Variants in MYH15 observed in about 807,000 individuals in gnomAD.
MYH15 encodes the protein myosin-15.
MYH15 carries 227 observed loss-of-function variants against 240.5 expected under a neutral mutation model. That is an observed-to-expected ratio of 0.94 (90% confidence interval 0.85 to 1.05). The LOEUF (loss-of-function observed/expected upper bound fraction) is 1.05, where lower values mean the gene tolerates loss of function less well. Ranked by LOEUF, MYH15 falls within the 50% of genes least tolerant of loss-of-function variation. The pLI is 0.00. For synonymous variants in MYH15, 785 were observed against 796.7 expected (o/e 0.99, Z 0.25); for missense variants, 2,217 against 2,247.5 (o/e 0.99, Z 0.27).
At chr3:108,512,345 A>G (rs1424241035), upstream of MYH15, among the ~76,000 whole-genome samples, 1 of 152,160 alleles carries the variant, frequency 6.6e-6, no homozygotes, top group Non-Finnish European at 1.5e-5. Context: ...GGAAAGCAGT[A>G]TTTTGGGAAA....
rs1197440356 is a variant in MYH15 at position 108,384,762 on chromosome 3, A to G, written c.5556T>C (p.Asn1852=). 1 of 1,613,798 alleles carries G rather than the reference A, an allele frequency of 6.2e-7. No individual in the cohort carries two copies. The highest frequency in any genetic ancestry group is 1.1e-5 in the South Asian group (1 of 91,066). The change falls in exon 39 of 41, where the codon AAT becomes AAC. Residue 1852 remains asparagine (N), a synonymous_variant. Transcript: ENST00000693548. ...LTYQAEEDKK[N]LSRMQTQMDK... Reference sequence around the variant, plus strand: ...CCATCTGAGTTTGCATCCTGCTCAGATTCTTCTTGTCTTCCTCTGCCTGCA... The same window carrying G: ...CCATCTGAGTTTGCATCCTGCTCAGGTTCTTCTTGTCTTCCTCTGCCTGCA...
At chr3:108,425,352 G>A (rs941316567) in intron 27 of MYH15, among the ~76,000 whole-genome samples, 4 of 152,134 alleles carry the variant, frequency 2.6e-5, no homozygotes, top group Non-Finnish European at 4.4e-5. Flanking sequence ...CAATAAATCC[G>A]TGCTTTATGA....
chr3:108,410,815 C>G lies in MYH15; in HGVS notation c.4263G>C (p.Leu1421=), dbSNP rs781487624. 4 of 1,614,050 alleles carry G rather than the reference C, an allele frequency of 2.5e-6. No individual in the cohort carries two copies. Among genetic ancestry groups the G allele is most frequent in the South Asian group, 2.2e-5 (2 of 91,074 alleles). Residue 1421 remains leucine (L), a synonymous_variant, in exon 31 of 41, where the codon CTG becomes CTC. Transcript: ENST00000693548. The part of the protein sequence containing the change: ...HQLQLELGDA[L]SDLGKVRSAA... ...CAGAGCGGACCTTCCCGAGGTCAGA[C>G]AGGGCGTCCCCGAGCTCCAGCTGCA...
chr3:108,439,456 T>C (rs545201281), intron 24 of MYH15, among the ~76,000 whole-genome samples: 2 of 152,332 alleles, frequency 1.3e-5, no homozygotes, highest in Admixed American at 6.5e-5. Flanking sequence ...GCCAGTCACC[T>C]AGAGTGATAA....
At chr3:108,384,597 A>C in intron 39 of MYH15, 90 bp downstream of exon 39, 1 of 1,215,342 alleles carries the variant, frequency 8.2e-7, no homozygotes, top group Non-Finnish European at 1.2e-6. Context: ...CCTCTCTGAC[A>C]AGCTGCTTGC....
chr3:108,445,152 TAA>T, intron 21 of MYH15, among the ~76,000 whole-genome samples: 1 of 152,304 alleles, frequency 6.6e-6, no homozygotes, highest in African/African-American at 2.4e-5. Flanking sequence ...GAGCTGAACC[TAA>T]AGAGAGTAAG....
intron 27 of MYH15, among the ~76,000 whole-genome samples, chr3:108,423,218 C>G (rs1280068693): frequency 6.6e-6 from 1 of 152,196 alleles, no homozygotes; most frequent in Non-Finnish European, 1.5e-5. Context: ...TTCCGAGGCT[C>G]CACTCCAGTG....
At chr3:108,464,251 T>C (rs114118959) in intron 15 of MYH15, among the ~76,000 whole-genome samples, 107 of 152,290 alleles carry the variant, frequency 7.0e-4, no homozygotes, top group Non-Finnish European at 1.1e-3. Context: ...TTACTTCACA[T>C]TGACTATTTC....
At chr3:108,536,390 T>C in the MYH15 span, among the ~76,000 whole-genome samples, 2 of 152,230 alleles carry the variant, frequency 1.3e-5, no homozygotes, top group Non-Finnish European at 2.9e-5. Flanking sequence ...AGAACATCAC[T>C]CCACTCAGCA....
Position 108,454,112 on chromosome 3 carries a change from G to GT in MYH15, c.2292dup (p.Leu765ThrfsTer7). 1.2e-6 allele frequency: 2 copies of GT among 1,611,034 alleles called. No individual in the cohort carries two copies. Among genetic ancestry groups the GT allele is most frequent in the South Asian group, 1.1e-5 (1 of 90,626 alleles). On this transcript the variant is annotated frameshift_variant, in exon 21 of 41. Transcript: ENST00000693548. LOFTEE classifies it high-confidence loss of function. Reference sequence around the variant, plus strand: ...AGTCTCTCATCTCTTATTGCTTCCAGTTGGCCCAGAAACCCAGCTTTAAAA... The same window carrying GT: ...AGTCTCTCATCTCTTATTGCTTCCAGTTTGGCCCAGAAACCCAGCTTTAAAA...
chr3:108,424,816 A>G (rs538226720), intron 27 of MYH15, among the ~76,000 whole-genome samples: 2 of 152,334 alleles, frequency 1.3e-5, no homozygotes, highest in Admixed American at 1.3e-4. Context: ...CATGCCAACA[A>G]ATATTTAAAG....
chr3:108,484,211 T>C (rs1016412610), intron 11 of MYH15, among the ~76,000 whole-genome samples: 176 of 152,350 alleles, frequency 1.2e-3, no homozygotes, highest in African/African-American at 3.9e-3. Flanking sequence ...ATAACAACTA[T>C]GCTTTCTTCT....
In MYH15 at chr3:108,444,752, C is replaced by T. The variant is rs751203641; in HGVS notation, c.2543G>A (p.Cys848Tyr). 4.3e-6 allele frequency: 7 copies of T among 1,614,094 alleles called. No individual in the cohort carries two copies. Among genetic ancestry groups the T allele is most frequent in the Non-Finnish European group, 5.9e-6 (7 of 1,179,982 alleles). Reference sequence around the variant, plus strand: ...CTCCAAGGCTTTCTGTAATTGTGCACACTCTTCCTTCAGTCCAGCTACTTC... The same window carrying T: ...CTCCAAGGCTTTCTGTAATTGTGCATACTCTTCCTTCAGTCCAGCTACTTC... ...GEEVAGLKEE[C>Y]AQLQKALEKS... is the part of the protein sequence containing the mutation. The change falls in exon 22 of 41, where the codon TGT becomes TAT. Residue 848 changes from cysteine (C) to tyrosine (Y), a missense_variant. Physicochemically the swap from Cys to Tyr is radical, Grantham distance 194. Transcript: ENST00000693548.
chr3:108,422,916 G>A (rs747076088), intron 27 of MYH15, among the ~76,000 whole-genome samples: 26 of 152,162 alleles, frequency 1.7e-4, no homozygotes, highest in Non-Finnish European at 7.3e-5. Flanking sequence ...ATCTCTAGCT[G>A]GAACCTACGC....
At position 108,501,857 on chromosome 3, in the gene MYH15, T is replaced by C. The variant is rs773774527; in HGVS notation, c.196-2A>G. On this transcript the variant is annotated splice_acceptor_variant, in intron 2 of 40. Coordinates refer to ENST00000693548, the MANE Select transcript of MYH15 (RefSeq NM_014981.3). LOFTEE classifies it high-confidence loss of function. The stretch of plus-strand genomic sequence containing the variant: ...TTTGTCCTCCTTTATGCTCAGACTC[T>C]GCAGAGAGAAGAAAAATATATGATA... 6.2e-7 allele frequency: 1 copy of C among 1,613,662 alleles called. No homozygotes were observed.
intron 6 of MYH15, 140 bp downstream of exon 6, chr3:108,497,912 T>TA (rs976417880): frequency 3.1e-6 from 2 of 638,724 alleles, no homozygotes; most frequent in Non-Finnish European, 5.6e-6. Flanking sequence ...AGGAAATATT[T>TA]AAAAAAATAC....
At chr3:108,534,280 T>C (rs1240804532), upstream of MYH15, among the ~76,000 whole-genome samples, 2 of 152,230 alleles carry the variant, frequency 1.3e-5, no homozygotes, top group African/African-American at 4.8e-5. Context: ...GTCAGCCATA[T>C]TATTTATCTT....
At chr3:108,474,147 T>C (rs1433226433) in intron 12 of MYH15, among the ~76,000 whole-genome samples, 3 of 152,138 alleles carry the variant, frequency 2.0e-5, no homozygotes, top group Non-Finnish European at 1.5e-5. Flanking sequence ...TCTTTTGCAA[T>C]TGTCATCAAC....
intron 26 of MYH15, among the ~76,000 whole-genome samples, chr3:108,430,591 C>G (rs569045038): frequency 6.6e-6 from 1 of 152,122 alleles, no homozygotes; most frequent in African/African-American, 2.4e-5. Context: ...TAGCACAATG[C>G]CTGGTTCACA....
Sources: allele counts gnomAD v4.1 joint callset (sites outside exome capture counted in the v4.1 genomes callset), GRCh38; gene constraint gnomAD v4.1.1; transcripts MANE v1.5; gene names NCBI Gene and HGNC (gene_info 2026-07-23, HGNC 2026-07-21).